The following SH3GL2 variants were observed in gnomAD, a reference collection of about 807,000 sequenced individuals.
SH3GL2 encodes the protein SH3 domain containing GRB2 like 2, endophilin A1, also known as endophilin-A1.
Under a neutral mutation model 46.0 loss-of-function variants are expected in SH3GL2, and 24 were observed. The ratio of observed to expected loss-of-function variants is 0.52; its 90% CI spans 0.38 to 0.73. The LOEUF (loss-of-function observed/expected upper bound fraction) is 0.73, where lower values mean the gene tolerates loss of function less well. Ranked by LOEUF, SH3GL2 falls within the 30% of genes least tolerant of loss-of-function variation. SH3GL2 has a pLI of 0.00. For synonymous variants in SH3GL2, 196 were observed against 147.1 expected (o/e 1.33, Z -2.40); for missense variants, 413 against 424.2 (o/e 0.97, Z 0.23).
intron 3 of SH3GL2, among the ~76,000 whole-genome samples, chr9:17,770,675 T>C (rs1420604097): frequency 3.3e-5 from 5 of 152,342 alleles, no homozygotes; most frequent in Non-Finnish European, 7.3e-5. Context: ...AGCAGACTAA[T>C]ACGAGAGACA....
intron 1 of SH3GL2, among the ~76,000 whole-genome samples, chr9:17,622,537 C>A (rs1039828639): frequency 6.6e-6 from 1 of 152,134 alleles, no homozygotes; most frequent in Admixed American, 6.5e-5. Flanking sequence ...GTGGGATACT[C>A]ATGTTTCATC....
intron 1 of SH3GL2, among the ~76,000 whole-genome samples, chr9:17,614,295 G>GGAAAAAAAAAAAAAAAAAAAAA (rs762920242): frequency 1.6e-4 from 11 of 70,300 alleles, no homozygotes; most frequent in African/African-American, 6.3e-4. Flanking sequence ...CATGGTTTCT[G>GGAAAAAAAAAAAAAAAAAAAAA]AAAAAAAAAA....
At chr9:17,733,089 A>G (rs932930674) in intron 1 of SH3GL2, among the ~76,000 whole-genome samples, 2 of 152,096 alleles carry the variant, frequency 1.3e-5, no homozygotes, top group African/African-American at 2.4e-5. Context: ...CCATCAAATC[A>G]TAAGTTTAAT....
At chr9:17,704,406 C>T (rs1211469381) in intron 1 of SH3GL2, among the ~76,000 whole-genome samples, 1 of 151,412 alleles carries the variant, frequency 6.6e-6, no homozygotes, top group Non-Finnish European at 1.5e-5. Context: ...TATCAAATTA[C>T]CAATGACATT....
intron 2 of SH3GL2, among the ~76,000 whole-genome samples, chr9:17,756,717 G>C (rs1002230000): frequency 1.3e-5 from 2 of 152,118 alleles, no homozygotes; most frequent in African/African-American, 4.8e-5. Flanking sequence ...TCTTAATCCA[G>C]TCTATCATTG....
chr9:17,628,423 T>G (rs200210269), intron 1 of SH3GL2, among the ~76,000 whole-genome samples: 44 of 99,848 alleles, frequency 4.4e-4, no homozygotes, highest in African/African-American at 1.7e-3. Context: ...TGTGTGTGTG[T>G]GTGTGTGTGT....
intron 1 of SH3GL2, among the ~76,000 whole-genome samples, chr9:17,624,070 G>A (rs78841796): frequency 6.6e-6 from 1 of 152,006 alleles, no homozygotes; most frequent in Non-Finnish European, 1.5e-5. Flanking sequence ...GGTTTATCTC[G>A]TTTTTAAGAC....
At chr9:17,688,379 A>G (rs1820981436) in intron 1 of SH3GL2, among the ~76,000 whole-genome samples, 1 of 152,142 alleles carries the variant, frequency 6.6e-6, no homozygotes, top group Non-Finnish European at 1.5e-5. Context: ...TGAAAGGAGA[A>G]TATTAGATAT....
At chr9:17,693,924 G>A (rs761751187) in intron 1 of SH3GL2, among the ~76,000 whole-genome samples, 1 of 152,168 alleles carries the variant, frequency 6.6e-6, no homozygotes, top group Admixed American at 6.6e-5. Context: ...ATTACTGAAT[G>A]TATAGTGGAG....
intron 3 of SH3GL2, among the ~76,000 whole-genome samples, chr9:17,783,158 T>C (rs1209737504): frequency 1.3e-5 from 2 of 152,070 alleles, no homozygotes; most frequent in Non-Finnish European, 2.9e-5. Flanking sequence ...ATAACAGTCT[T>C]ACAAATGAGA....
chr9:17,719,381 A>G (rs1037678383), intron 1 of SH3GL2, among the ~76,000 whole-genome samples: 1 of 152,178 alleles, frequency 6.6e-6, no homozygotes, highest in African/African-American at 2.4e-5. Flanking sequence ...CAATGTTTTC[A>G]TGATCTGCCA....
chr9:17,708,674 A>C lies in SH3GL2; in HGVS notation c.46-38392A>C, dbSNP rs569378715. Reference sequence around the variant, plus strand: ...CATTTACCCTCATGTGGCTAAGATAATGCCTCTTGTTGTGCTTCAGGTTTG... The same window carrying C: ...CATTTACCCTCATGTGGCTAAGATACTGCCTCTTGTTGTGCTTCAGGTTTG... On this transcript the variant is annotated intron_variant, in intron 1 of 8. Coordinates refer to ENST00000380607, the MANE Select transcript of SH3GL2 (RefSeq NM_003026.5). Among the ~76,000 whole-genome samples, 8 of 152,072 alleles carry C rather than the reference A, an allele frequency of 5.3e-5. No individual in the cohort carries two copies. The East Asian group carries it at 9.7e-4, about 18-fold the overall frequency.
chr9:17,735,894 C>A, intron 1 of SH3GL2: 1 of 211,632 alleles, frequency 4.7e-6, no homozygotes, highest in Non-Finnish European at 8.2e-6. Flanking sequence ...ATACTTATAC[C>A]CTGTGGGGGC....
At chr9:17,629,130 A>T (rs1819362505) in intron 1 of SH3GL2, among the ~76,000 whole-genome samples, 1 of 152,184 alleles carries the variant, frequency 6.6e-6, no homozygotes, top group Admixed American at 6.5e-5. Context: ...GCTGGGAGGC[A>T]GGAGACCTGG....
intron 5 of SH3GL2, 99 bp downstream of exon 5, chr9:17,787,612 T>C (rs1823998761): frequency 3.2e-6 from 3 of 926,506 alleles, no homozygotes; most frequent in Middle Eastern, 2.6e-4. Flanking sequence ...ACCCTGTGTG[T>C]TGTCAGCTCT....
At chr9:17,750,490 G>T (rs1053097500) in intron 2 of SH3GL2, among the ~76,000 whole-genome samples, 1 of 152,094 alleles carries the variant, frequency 6.6e-6, no homozygotes, top group Non-Finnish European at 1.5e-5. Context: ...TCCTCTCCCT[G>T]AGCTGATTGG....
In SH3GL2 at chr9:17,794,355, A is replaced by G. The variant is rs752397035; in HGVS notation, c.859+858A>G. On this transcript the variant is annotated intron_variant, in intron 8 of 8. Transcript: ENST00000380607. Reference sequence around the variant, plus strand: ...GATGTTCTACTGTAGAAAACTTTTTATAAGATGCTCTCAGGAGACTTATTA... The same window carrying G: ...GATGTTCTACTGTAGAAAACTTTTTGTAAGATGCTCTCAGGAGACTTATTA... 3.6e-4 allele frequency among the ~76,000 whole-genome samples: 55 copies of G among 152,250 alleles called. 1 individual carries two copies. In the Middle Eastern group the frequency reaches 0.027, roughly 75 times the overall value.
chr9:17,758,341 A>T (rs999652038), intron 2 of SH3GL2, among the ~76,000 whole-genome samples: 2 of 152,022 alleles, frequency 1.3e-5, no homozygotes, highest in Admixed American at 1.3e-4. Context: ...CGGATGGATC[A>T]CTTGAGGCCA....
intron 1 of SH3GL2, among the ~76,000 whole-genome samples, chr9:17,620,511 C>T (rs756443323): frequency 9.2e-5 from 14 of 152,096 alleles, no homozygotes; most frequent in South Asian, 2.1e-4. Flanking sequence ...GTAATGGGCT[C>T]GCAGACATGC....
Sources: gnomAD v4.1 joint callset for allele counts (sites outside exome capture counted in the v4.1 genomes callset) on GRCh38, gnomAD v4.1.1 for gene constraint, MANE v1.5 for transcripts, NCBI Gene and HGNC (gene_info 2026-07-23, HGNC 2026-07-21) for gene names.